Variants in BRINP3 observed in about 807,000 individuals in gnomAD.
BRINP3 encodes the protein BMP/retinoic acid inducible neural specific 3.
A neutral mutation model predicts 71.0 loss-of-function variants in BRINP3; 19 were observed. The ratio of observed to expected loss-of-function variants is 0.27; its 90% CI spans 0.19 to 0.39. The LOEUF (loss-of-function observed/expected upper bound fraction) is 0.39. BRINP3 is among the 10% of genes least tolerant of loss of function. BRINP3 has a pLI of 1.00. For synonymous variants in BRINP3, 380 were observed against 337.7 expected, an observed-to-expected ratio of 1.13 and a Z score of -1.37; for missense variants, 959 against 940.8, an observed-to-expected ratio of 1.02 and a Z score of -0.25.
At chr1:190,133,667 A>G (rs978227351) in intron 7 of BRINP3, among the ~76,000 whole-genome samples, 2 of 152,122 alleles carry the variant, frequency 1.3e-5, no homozygotes, top group African/African-American at 4.8e-5. Context: ...CAAAAACATG[A>G]TGCATAATAC....
intron 6 of BRINP3, among the ~76,000 whole-genome samples, chr1:190,170,312 T>C (rs1651903759): frequency 3.3e-5 from 5 of 152,142 alleles, no homozygotes; most frequent in Admixed American, 1.3e-4. Flanking sequence ...TATATTTCTC[T>C]GAGGGTGAGA....
intron 2 of BRINP3, among the ~76,000 whole-genome samples, chr1:190,337,749 A>T (rs1667384196): frequency 6.6e-6 from 1 of 152,020 alleles, no homozygotes; most frequent in Non-Finnish European, 1.5e-5. Flanking sequence ...ACGTCAGTCA[A>T]TTCTCCTTAA....
intron 2 of BRINP3, among the ~76,000 whole-genome samples, chr1:190,423,771 C>T (rs893193304): frequency 1.3e-5 from 2 of 151,716 alleles, no homozygotes; most frequent in Admixed American, 6.6e-5. Flanking sequence ...CATACATATA[C>T]ACACAACTCC....
At chr1:190,266,431 C>T (rs1163864403) in intron 3 of BRINP3, among the ~76,000 whole-genome samples, 1 of 151,926 alleles carries the variant, frequency 6.6e-6, no homozygotes, top group Non-Finnish European at 1.5e-5. Context: ...ATTTGGACCC[C>T]AACATGCATA....
chr1:190,268,087 T>C (rs1458854856), intron 3 of BRINP3, among the ~76,000 whole-genome samples: 2 of 152,080 alleles, frequency 1.3e-5, no homozygotes, highest in Admixed American at 1.3e-4. Context: ...TCATGACCAA[T>C]AGGATAATTC....
intron 6 of BRINP3, among the ~76,000 whole-genome samples, chr1:190,167,645 TTA>T (rs1442069552): frequency 2.0e-5 from 3 of 152,158 alleles, no homozygotes; most frequent in Non-Finnish European, 4.4e-5. Flanking sequence ...TTCAGATCTG[TTA>T]TGTTAAAGTT....
intron 7 of BRINP3, among the ~76,000 whole-genome samples, chr1:190,115,416 T>C (rs1382916789): frequency 1.3e-5 from 2 of 152,142 alleles, no homozygotes; most frequent in African/African-American, 4.8e-5. Flanking sequence ...ATATTTAGAA[T>C]AGAAATTTGT....
At chr1:190,463,721 A>T (rs1676549644) in intron 1 of BRINP3, among the ~76,000 whole-genome samples, 1 of 151,880 alleles carries the variant, frequency 6.6e-6, no homozygotes, top group African/African-American at 2.4e-5. Flanking sequence ...TTTGGTAATG[A>T]TGTATAACTT....
chr1:190,367,265 G>C (rs548238986), intron 2 of BRINP3, among the ~76,000 whole-genome samples: 1 of 152,148 alleles, frequency 6.6e-6, no homozygotes, highest in Non-Finnish European at 1.5e-5. Flanking sequence ...GGACCCACAG[G>C]CCCAGTATAA....
chr1:190,358,900 C>T (rs1323605702), intron 2 of BRINP3, among the ~76,000 whole-genome samples: 2 of 152,028 alleles, frequency 1.3e-5, no homozygotes, highest in Admixed American at 1.3e-4. Flanking sequence ...TCTCAGCAAA[C>T]TATCACAGGG....
intron 2 of BRINP3, among the ~76,000 whole-genome samples, chr1:190,368,369 G>A (rs1030446119): frequency 3.3e-5 from 5 of 152,094 alleles, no homozygotes; most frequent in South Asian, 4.2e-4. Context: ...ATTACCTCCC[G>A]CTGGGTCTCT....
chr1:190,350,716 A>G lies in BRINP3; in HGVS notation c.237-68966T>C, dbSNP rs115439761. On this transcript the variant is annotated intron_variant, in intron 2 of 7. Coordinates refer to ENST00000367462, the MANE Select transcript of BRINP3 (RefSeq NM_199051.3). ...GGCAGAATTTGGGTCTGTATAACCCAAATGACATAGCAGGCAGGATCCTGA... is the reference window on the plus strand; with the variant it reads ...GGCAGAATTTGGGTCTGTATAACCCGAATGACATAGCAGGCAGGATCCTGA... Among the ~76,000 whole-genome samples, 853 of 152,228 alleles carry G rather than the reference A, an allele frequency of 5.6e-3. 10 individuals carry two copies. Among genetic ancestry groups the G allele is most frequent in the African/African-American group, 0.019 (802 of 41,554 alleles).
At chr1:190,260,557 T>G (rs12096112) in intron 4 of BRINP3, among the ~76,000 whole-genome samples, 7,570 of 151,414 alleles carry the variant, frequency 0.05, 294 homozygotes, top group African/African-American at 0.11. Flanking sequence ...TATATATATA[T>G]AGAGAGAGAG....
chr1:190,330,000 A>T (rs1666862406), intron 2 of BRINP3, among the ~76,000 whole-genome samples: 1 of 152,042 alleles, frequency 6.6e-6, no homozygotes, highest in African/African-American at 2.4e-5. Flanking sequence ...TGGATTAAAA[A>T]TTAAAATATA....
intron 2 of BRINP3, among the ~76,000 whole-genome samples, chr1:190,381,355 T>C (rs543771183): frequency 6.6e-6 from 1 of 152,156 alleles, no homozygotes; most frequent in Non-Finnish European, 1.5e-5. Flanking sequence ...GCACAGACTT[T>C]CAGTGAGCAC....
At chr1:190,211,609 T>C (rs1214861204) in intron 6 of BRINP3, among the ~76,000 whole-genome samples, 1 of 152,154 alleles carries the variant, frequency 6.6e-6, no homozygotes, top group Non-Finnish European at 1.5e-5. Context: ...AATAAATATG[T>C]TGTTCTCTGC....
intron 2 of BRINP3, among the ~76,000 whole-genome samples, chr1:190,299,791 A>G (rs1664535633): frequency 6.6e-6 from 1 of 151,830 alleles, no homozygotes; most frequent in African/African-American, 2.4e-5. Flanking sequence ...AAAGTATTTT[A>G]TTTCTCCTTC....
At position 190,097,819 on chromosome 1, in the gene BRINP3, G is replaced by T; in HGVS notation, c.*199C>A. ...CTTCTAGACTGGTGTCAGTATTTAT[G>T]TCATTCATAAACCAAAACTGCTGTA... On this transcript the variant is annotated 3_prime_UTR_variant, in exon 8 of 8. Coordinates refer to ENST00000367462, the MANE Select transcript of BRINP3 (RefSeq NM_199051.3). 2 of 560,126 alleles carry T rather than the reference G, an allele frequency of 3.6e-6. No homozygotes were observed. The highest frequency in any genetic ancestry group is 5.8e-5 in the East Asian group (2 of 34,338). 34.7% of individuals were successfully genotyped at this position (560,126 alleles called of 1,614,324 possible). A position where few individuals can be genotyped will look rare whatever the true frequency, so the allele number is the denominator to read the frequency against.
intron 2 of BRINP3, among the ~76,000 whole-genome samples, chr1:190,435,430 G>C (rs1375589527): frequency 6.6e-6 from 1 of 151,836 alleles, no homozygotes; most frequent in Non-Finnish European, 1.5e-5. Flanking sequence ...GAGGCAGAGA[G>C]AGCTTCTTGA....
Sources: gnomAD v4.1 joint callset for allele counts (sites outside exome capture counted in the v4.1 genomes callset) on GRCh38, gnomAD v4.1.1 for gene constraint, MANE v1.5 for transcripts, NCBI Gene and HGNC (gene_info 2026-07-23, HGNC 2026-07-21) for gene names.